The following EML1 variants were observed in gnomAD, a reference collection of about 807,000 sequenced individuals.
The protein encoded by EML1 is EMAP like 1, also known as echinoderm microtubule-associated protein-like 1.
In EML1, 27 loss-of-function variants were observed where a neutral mutation model predicts 110.4. The observed-to-expected ratio is 0.24, with a 90% CI of 0.18 to 0.34. EML1 has a LOEUF of 0.34. EML1 is among the 10% of genes least tolerant of loss of function. The pLI is 1.00. For synonymous variants in EML1, 344 were observed against 385.8 expected (o/e 0.89, Z 1.27); for missense variants, 741 against 1,030.9 (o/e 0.72, Z 3.85).
chr14:99,902,723 A>T (rs59462655), intron 9 of EML1, among the ~76,000 whole-genome samples: 1 of 151,478 alleles, frequency 6.6e-6, no homozygotes, highest in African/African-American at 2.4e-5. Flanking sequence ...GCCCAGCCAT[A>T]GGTTTATATT....
intron 4 of EML1, among the ~76,000 whole-genome samples, chr14:99,889,029 G>A (rs1566920130): frequency 2.0e-5 from 3 of 152,202 alleles, no homozygotes; most frequent in African/African-American, 2.4e-5. Context: ...AGAGACCCAC[G>A]GAGGCAGAGG....
chr14:99,865,753 T>G (rs1000744050), intron 3 of EML1, 107 bp downstream of exon 3: 17 of 1,371,116 alleles, frequency 1.2e-5, no homozygotes, highest in Non-Finnish European at 1.9e-6. Flanking sequence ...TTCTGTGAGT[T>G]AAAGCTTATA....
Position 99,919,405 on chromosome 14 carries a change from CACACATACGCATGCACACAG to C in EML1, c.1821-1378_1821-1359del, listed in dbSNP as rs1185889534. ...ATGAAAACGTTTGTATAGCCACACA[CACACATACGCATGCACACAG>C]ACACACACACACACACACACACACA... On this transcript the variant is annotated intron_variant, in intron 16 of 21. Coordinates refer to ENST00000262233, the MANE Select transcript of EML1 (RefSeq NM_004434.3). 5.6e-3 allele frequency among the ~76,000 whole-genome samples: 504 copies of C among 89,596 alleles called. 10 individuals are homozygous for C. Among genetic ancestry groups the C allele is most frequent in the South Asian group, 0.028 (73 of 2,570 alleles). 58.8% of individuals were successfully genotyped at this position (89,596 alleles called of 152,430 possible).
At chr14:99,814,374 C>T (rs946958623) in intron 1 of EML1, among the ~76,000 whole-genome samples, 3 of 152,108 alleles carry the variant, frequency 2.0e-5, no homozygotes, top group Admixed American at 1.3e-4. Flanking sequence ...CTCCTGGGCT[C>T]AAGCAATCCT....
At chr14:99,741,632 C>T (rs996374573) in intron 1 of EML1, among the ~76,000 whole-genome samples, 10 of 152,202 alleles carry the variant, frequency 6.6e-5, no homozygotes, top group African/African-American at 2.4e-4. Flanking sequence ...GCGCCCACCC[C>T]CCCCCAGACC....
At chr14:99,887,374 G>T (rs1015725542) in intron 4 of EML1, among the ~76,000 whole-genome samples, 1 of 152,138 alleles carries the variant, frequency 6.6e-6, no homozygotes, top group African/African-American at 2.4e-5. Flanking sequence ...TTGTTCACCG[G>T]GGGGGCAAAT....
At chr14:99,838,476 A>T (rs1312796697) in intron 1 of EML1, among the ~76,000 whole-genome samples, 2 of 152,150 alleles carry the variant, frequency 1.3e-5, no homozygotes, top group African/African-American at 4.8e-5. Flanking sequence ...TAAAATTTGG[A>T]CTGACAGTTT....
At position 99,940,015 on chromosome 14, in the gene EML1, G is replaced by A. The variant is rs1250556824; in HGVS notation, c.2351G>A (p.Ser784Asn). Residue 784 changes from serine to asparagine, a missense_variant, in exon 22 of 22, where the codon AGC becomes AAC. By Grantham distance (46) the Ser-to-Asn change is conservative. Around this residue, in one of 4 missense-constraint regions of EML1, gnomAD observed 114 missense variants for 122.5 expected, o/e 0.93. Transcript: ENST00000262233. ...RAPSHIYGGH[S>N]SHVTNVDFLC... is the part of the protein sequence containing the mutation. ...CCAAGCCACATCTACGGCGGGCACA[G>A]CAGCCATGTCACCAATGTCGATTTC... is the stretch of plus-strand genomic sequence containing the variant. 2 of 1,589,382 alleles carry A rather than the reference G, an allele frequency of 1.3e-6. No individual in the cohort carries two copies. The highest frequency in any genetic ancestry group is 1.2e-5 in the South Asian group (1 of 86,482).
intron 8 of EML1, 70 bp downstream of exon 8, chr14:99,898,372 T>A: frequency 6.9e-7 from 1 of 1,444,908 alleles, no homozygotes; most frequent in Non-Finnish European, 9.5e-7. Flanking sequence ...GAAAACATTG[T>A]GCTGCTGAGT....
chr14:99,879,742 G>A lies in EML1; in HGVS notation c.518+1123G>A, dbSNP rs1047845590. 2.0e-5 allele frequency among the ~76,000 whole-genome samples: 3 copies of A among 152,182 alleles called. No homozygotes were observed. In the South Asian group the frequency reaches 6.2e-4, roughly 32 times the overall value. ...CTTATCAGAAGATTATGCTAATGGG[G>A]TGATAATACCTTGGAAATGAGGCCA... On this transcript the variant is annotated intron_variant, in intron 4 of 21. Transcript: ENST00000262233.
chr14:99,908,281 C>T (rs1024581336), intron 10 of EML1, among the ~76,000 whole-genome samples: 1 of 152,234 alleles, frequency 6.6e-6, no homozygotes. Context: ...CTTCTTTGAC[C>T]GCCTCTAATC....
chr14:99,870,988 G>T (rs1341262711), intron 3 of EML1, among the ~76,000 whole-genome samples: 2 of 151,144 alleles, frequency 1.3e-5, no homozygotes, highest in African/African-American at 4.9e-5. Context: ...AGACAGTCTT[G>T]CTCTGTCACC....
chr14:99,930,471 T>G (rs890702903), intron 17 of EML1, among the ~76,000 whole-genome samples: 1 of 152,196 alleles, frequency 6.6e-6, no homozygotes, highest in Admixed American at 6.5e-5. Context: ...GCCTAGAGAA[T>G]TTCCATGGAC....
intron 1 of EML1, among the ~76,000 whole-genome samples, chr14:99,785,063 C>CT (rs963232804): frequency 2.6e-5 from 4 of 151,090 alleles, no homozygotes; most frequent in Admixed American, 1.3e-4. Context: ...TTTTTCTTTT[C>CT]TTTTTTTTCA....
intron 2 of EML1, among the ~76,000 whole-genome samples, chr14:99,863,881 C>T (rs2059046243): frequency 6.6e-6 from 1 of 152,190 alleles, no homozygotes; most frequent in Non-Finnish European, 1.5e-5. Flanking sequence ...TATGGTGAAA[C>T]TATATTTAGC....
chr14:99,761,330 C>T (rs2057311724), intron 1 of EML1, among the ~76,000 whole-genome samples: 1 of 152,096 alleles, frequency 6.6e-6, no homozygotes, highest in African/African-American at 2.4e-5. Flanking sequence ...TTGTAGGGAC[C>T]CTATTAATAT....
intron 1 of EML1, among the ~76,000 whole-genome samples, chr14:99,795,674 AG>A (rs2057757396): frequency 6.6e-6 from 1 of 152,272 alleles, no homozygotes; most frequent in Non-Finnish European, 1.5e-5. Flanking sequence ...CCATTTCACT[AG>A]GAACTAAATT....
intron 1 of EML1, among the ~76,000 whole-genome samples, chr14:99,836,695 T>C (rs1276228913): frequency 6.6e-6 from 1 of 152,228 alleles, no homozygotes; most frequent in South Asian, 2.1e-4. Flanking sequence ...TGTCCAGTTG[T>C]TTTTTCGTGG....
intron 1 of EML1, among the ~76,000 whole-genome samples, chr14:99,805,251 T>C (rs2057950614): frequency 6.6e-6 from 1 of 152,226 alleles, no homozygotes; most frequent in African/African-American, 2.4e-5. Context: ...CAGTGGGCTC[T>C]CAGTACTAGT....
Sources: gnomAD v4.1 joint callset for allele counts (sites outside exome capture counted in the v4.1 genomes callset) on GRCh38, gnomAD v4.1.1 for gene constraint, gnomAD v4.1.1 regional missense constraint, MANE v1.5 for transcripts, NCBI Gene and HGNC (gene_info 2026-07-23, HGNC 2026-07-21) for gene names.